Variants in HPSE2 observed in about 807,000 individuals in gnomAD.
HPSE2 encodes inactive heparanase-2.
A neutral mutation model predicts 60.5 loss-of-function variants in HPSE2; 38 were observed. The ratio of observed to expected loss-of-function variants is 0.63; its 90% CI spans 0.48 to 0.82. The LOEUF (loss-of-function observed/expected upper bound fraction) is 0.82. Among genes scored for constraint, HPSE2 ranks in the 40% least tolerant of loss-of-function variants. The pLI is 0.00. For synonymous variants in HPSE2, 295 were observed against 293.2 expected (o/e 1.01, Z -0.06); for missense variants, 713 against 740.4 (o/e 0.96, Z 0.43).
intron 9 of HPSE2, among the ~76,000 whole-genome samples, chr10:98,518,708 C>T (rs866395627): frequency 4.2e-5 from 2 of 47,478 alleles, no homozygotes; most frequent in Non-Finnish European, 1.5e-4. Flanking sequence ...CTCCATCCCA[C>T]GAGGAAAAAA....
intron 9 of HPSE2, among the ~76,000 whole-genome samples, chr10:98,601,910 G>C (rs964842756): frequency 1.3e-5 from 2 of 152,168 alleles, no homozygotes; most frequent in African/African-American, 4.8e-5. Flanking sequence ...AGCAGCAAAG[G>C]CAAACTTGTT....
chr10:99,283,741 T>C, the HPSE2 span, among the ~76,000 whole-genome samples: 1 of 151,996 alleles, frequency 6.6e-6, no homozygotes. Flanking sequence ...AACCAAAAAA[T>C]TGGATAACCT....
intron 3 of HPSE2, among the ~76,000 whole-genome samples, chr10:98,827,451 C>T (rs1252325): frequency 0.05 from 7,662 of 152,168 alleles, 607 homozygotes; most frequent in African/African-American, 0.17. Flanking sequence ...CGTGATCCGC[C>T]CACCTCGGCC....
intron 3 of HPSE2, among the ~76,000 whole-genome samples, chr10:98,809,238 G>A (rs1391983661): frequency 2.6e-5 from 4 of 152,098 alleles, no homozygotes; most frequent in African/African-American, 9.7e-5. Context: ...AAGGGTAAGT[G>A]TATTGATGAA....
chr10:98,851,452 A>G (rs1255709116), intron 3 of HPSE2, among the ~76,000 whole-genome samples: 1 of 152,196 alleles, frequency 6.6e-6, no homozygotes, highest in Non-Finnish European at 1.5e-5. Flanking sequence ...TCAAGAAAAT[A>G]TGTTCCATAA....
chr10:98,608,122 A>G (rs1218181273), intron 9 of HPSE2, among the ~76,000 whole-genome samples: 2 of 152,222 alleles, frequency 1.3e-5, no homozygotes, highest in East Asian at 3.8e-4. Context: ...ATCCAAGGAC[A>G]TATAGCTAGT....
chr10:98,824,927 G>T (rs2801406), intron 3 of HPSE2, among the ~76,000 whole-genome samples: 15,399 of 152,148 alleles, frequency 0.1, 1,886 homozygotes, highest in African/African-American at 0.29. Context: ...CGGTAAACAT[G>T]TCCTTCCTTC....
At chr10:98,907,183 C>T (rs143621157) in intron 3 of HPSE2, among the ~76,000 whole-genome samples, 3 of 152,278 alleles carry the variant, frequency 2.0e-5, no homozygotes, top group African/African-American at 7.2e-5. Context: ...AAAAGGCCTG[C>T]TTACTTTTCC....
chr10:98,577,957 T>C (rs1944687741), intron 9 of HPSE2, among the ~76,000 whole-genome samples: 1 of 152,214 alleles, frequency 6.6e-6, no homozygotes, highest in Non-Finnish European at 1.5e-5. Context: ...TTGATAAGAT[T>C]GGGAAAACTT....
At chr10:98,774,237 TTGAG>T (rs1265881778) in intron 3 of HPSE2, among the ~76,000 whole-genome samples, 4 of 152,076 alleles carry the variant, frequency 2.6e-5, no homozygotes, top group Middle Eastern at 3.4e-3. Flanking sequence ...AACAAAATAA[TTGAG>T]TATTAGTGCT....
At chr10:99,089,683 T>C (rs368026157) in intron 3 of HPSE2, among the ~76,000 whole-genome samples, 5 of 152,144 alleles carry the variant, frequency 3.3e-5, no homozygotes, top group Admixed American at 1.3e-4. Flanking sequence ...ATATGAATTA[T>C]AGGTTTGTTT....
chr10:99,188,878 G>A (rs1446282544), intron 2 of HPSE2, among the ~76,000 whole-genome samples: 1 of 152,186 alleles, frequency 6.6e-6, no homozygotes, highest in Non-Finnish European at 1.5e-5. Flanking sequence ...GTGTGCTCAT[G>A]ACTTCTCAGT....
intron 3 of HPSE2, among the ~76,000 whole-genome samples, chr10:98,949,203 T>TA (rs959754773): frequency 2.4e-4 from 36 of 151,432 alleles, no homozygotes; most frequent in African/African-American, 7.8e-4. Context: ...AATAATCCTT[T>TA]AAAAAAAAAG....
upstream of HPSE2, among the ~76,000 whole-genome samples, chr10:99,240,350 T>C (rs989570172): frequency 1.3e-5 from 2 of 152,014 alleles, no homozygotes; most frequent in African/African-American, 4.8e-5. Context: ...AAATTCTACT[T>C]TGTAGCATAT....
At chr10:98,926,990 T>C (rs1309667570) in intron 3 of HPSE2, among the ~76,000 whole-genome samples, 1 of 152,158 alleles carries the variant, frequency 6.6e-6, no homozygotes, top group Non-Finnish European at 1.5e-5. Context: ...TGTTATAATT[T>C]CTGTTCTTTT....
chr10:99,111,813 CCTTT>C (rs1405593064), intron 3 of HPSE2, among the ~76,000 whole-genome samples: 1 of 152,198 alleles, frequency 6.6e-6, no homozygotes, highest in Non-Finnish European at 1.5e-5. Context: ...AGTACCACTT[CCTTT>C]ATGAAAAGCC....
Position 98,721,643 on chromosome 10 carries a change from A to T in HPSE2, c.956+14T>A. 1.2e-6 allele frequency: 2 copies of T among 1,612,076 alleles called. No individual in the cohort carries two copies. The highest frequency in any genetic ancestry group is 1.7e-6 in the Non-Finnish European group (2 of 1,178,828). On this transcript the variant is annotated intron_variant, in intron 5 of 11. Coordinates refer to ENST00000370552, the MANE Select transcript of HPSE2 (RefSeq NM_021828.5). ...TGAACAATGTCATAAGAAAAGCTAA[A>T]TAATCTGACCTACCCATCTAGGAGG...
intron 5 of HPSE2, among the ~76,000 whole-genome samples, chr10:98,701,663 AAATG>A: frequency 2.3e-5 from 1 of 42,810 alleles, no homozygotes; most frequent in Non-Finnish European, 1.0e-4. Context: ...AAATAAAATA[AAATG>A]AAAATAGTTT....
At chr10:98,889,862 C>T (rs1427643312) in intron 3 of HPSE2, among the ~76,000 whole-genome samples, 1 of 152,114 alleles carries the variant, frequency 6.6e-6, no homozygotes, top group Non-Finnish European at 1.5e-5. Context: ...ATAACCCTTT[C>T]TAAGGTTCAT....
Sources: gnomAD v4.1 joint callset for allele counts (sites outside exome capture counted in the v4.1 genomes callset) on GRCh38, gnomAD v4.1.1 for gene constraint, MANE v1.5 for transcripts, NCBI Gene and HGNC (gene_info 2026-07-23, HGNC 2026-07-21) for gene names.